CACNA1E: variants seen among roughly 807,000 people sequenced by gnomAD.
CACNA1E encodes calcium voltage-gated channel subunit alpha1 E, also known as voltage-dependent R-type calcium channel subunit alpha-1E.
A neutral mutation model predicts 259.2 loss-of-function variants in CACNA1E; 40 were observed. The observed-to-expected ratio is 0.15, with a 90% CI of 0.12 to 0.20. The LOEUF is 0.20. Among genes scored for constraint, CACNA1E ranks in the 10% least tolerant of loss-of-function variants. The pLI, the probability that CACNA1E is intolerant of heterozygous loss-of-function variation, is 1.00. For missense variants in CACNA1E, 1,874 were observed against 3,040.1 expected (o/e 0.62, Z 9.02); for synonymous variants, 1,104 against 1,138.5 (o/e 0.97, Z 0.61).
chr1:181,732,940 A>T lies in CACNA1E; in HGVS notation c.2854A>T (p.Met952Leu), dbSNP rs1468562123. The T allele has an allele frequency of 6.2e-7, 1 of 1,614,076 alleles. No homozygotes were observed. The highest frequency in any genetic ancestry group is 1.1e-5 in the South Asian group (1 of 91,090). Residue 952 changes from methionine to leucine, a missense_variant, in exon 20 of 48, where the codon ATG becomes TTG. Met to Leu is a conservative substitution (Grantham distance 15). This residue lies in a region of CACNA1E where 476 missense variants were observed against 514.0 expected (regional missense o/e 0.93). Transcript: ENST00000367573. The surrounding 1 kb of genome is among the most constrained non-coding windows in gnomAD (Gnocchi z 5.5). ...CCAGGAACGCAGTCTGGATGAAGCC[A>T]TGCCCACTGAAGGGGAGAAGGACCA... Reference protein sequence around the residue: ...ASQERSLDEAMPTEGEKDHEL... With the variant: ...ASQERSLDEALPTEGEKDHEL...
intron 6 of CACNA1E, among the ~76,000 whole-genome samples, chr1:181,631,751 C>A (rs1656764634): frequency 6.6e-6 from 1 of 152,154 alleles, no homozygotes; most frequent in Non-Finnish European, 1.5e-5. Flanking sequence ...GCTCAACTGG[C>A]AAAATGCCCA....
chr1:181,477,790 A>T (rs2102438441), intron 2 of CACNA1E, among the ~76,000 whole-genome samples: 1 of 152,328 alleles, frequency 6.6e-6, no homozygotes, highest in East Asian at 1.9e-4. Context: ...TGTACATAAC[A>T]AGTACTTACG....
At chr1:181,748,646 T>C (rs1423107795) in intron 25 of CACNA1E, among the ~76,000 whole-genome samples, 1 of 152,246 alleles carries the variant, frequency 6.6e-6, no homozygotes, top group East Asian at 1.9e-4. Context: ...GATTATCCCT[T>C]AGTTCTTCCT....
intron 2 of CACNA1E, among the ~76,000 whole-genome samples, chr1:181,422,399 T>A (rs1314527009): frequency 6.6e-6 from 1 of 152,250 alleles, no homozygotes; most frequent in African/African-American, 2.4e-5. Context: ...TCACCTGGCC[T>A]CTGATAGCCC....
chr1:181,427,186 A>G (rs1171388920), intron 2 of CACNA1E, among the ~76,000 whole-genome samples: 2 of 145,042 alleles, frequency 1.4e-5, no homozygotes, highest in African/African-American at 2.6e-5. Flanking sequence ...TCCCTATTTC[A>G]CCCTCTCCCC....
intron 6 of CACNA1E, among the ~76,000 whole-genome samples, chr1:181,606,636 T>G (rs1313271292): frequency 6.6e-6 from 1 of 152,196 alleles, no homozygotes; most frequent in Non-Finnish European, 1.5e-5. Context: ...ACTTCCCTTT[T>G]TATAAAACCC....
intron 1 of CACNA1E, among the ~76,000 whole-genome samples, chr1:181,356,444 C>T (rs1044720759): frequency 6.6e-6 from 1 of 152,102 alleles, no homozygotes; most frequent in African/African-American, 2.4e-5. Context: ...TTTCCCCTTC[C>T]CCTAGTTTAA....
intron 1 of CACNA1E, among the ~76,000 whole-genome samples, chr1:181,361,503 A>G (rs1159411345): frequency 2.0e-5 from 3 of 152,072 alleles, no homozygotes; most frequent in African/African-American, 7.2e-5. Context: ...CTCCCAGATT[A>G]TTGTTAGAAG....
chr1:181,803,216 G>A lies in CACNA1E; in HGVS notation c.*4382G>A, dbSNP rs916085237. On this transcript the variant is annotated 3_prime_UTR_variant, in exon 48 of 48. Coordinates refer to ENST00000367573, the MANE Select transcript of CACNA1E (RefSeq NM_001205293.3). The stretch of plus-strand genomic sequence containing the variant: ...TCCCAGAGCAATGGGCACCGTCCAG[G>A]AGGTACAGGAGAGGACTTTATGATG... 1 of 152,150 alleles carries A rather than the reference G, an allele frequency of 6.6e-6. No individual in the cohort carries two copies. The highest frequency in any genetic ancestry group is 1.5e-5 in the Non-Finnish European group (1 of 68,064). 9.4% of individuals were successfully genotyped at this position (152,150 alleles called of 1,614,324 possible).
chr1:181,693,651 A>G (rs775592487), intron 7 of CACNA1E, among the ~76,000 whole-genome samples: 3 of 151,990 alleles, frequency 2.0e-5, no homozygotes, highest in Non-Finnish European at 2.9e-5. Context: ...ACTGGGTACT[A>G]CTGGAGGTGG....
At chr1:181,657,631 C>A (rs1015107936) in intron 7 of CACNA1E, among the ~76,000 whole-genome samples, 4 of 151,970 alleles carry the variant, frequency 2.6e-5, no homozygotes, top group Non-Finnish European at 5.9e-5. Context: ...GGACGAAAGG[C>A]GTATATAAGA....
At chr1:181,521,695 A>T (rs544660731) in intron 3 of CACNA1E, among the ~76,000 whole-genome samples, 2 of 152,330 alleles carry the variant, frequency 1.3e-5, no homozygotes, top group South Asian at 4.1e-4. Context: ...AGTGTATAAC[A>T]TGCTGCATAG....
chr1:181,379,291 A>G (rs1356816560), intron 1 of CACNA1E, among the ~76,000 whole-genome samples: 3 of 152,248 alleles, frequency 2.0e-5, no homozygotes, highest in Non-Finnish European at 4.4e-5. Flanking sequence ...GAGAGAAAAA[A>G]TATTTGAAGA....
chr1:181,740,643 G>T (rs1656484750), intron 25 of CACNA1E, among the ~76,000 whole-genome samples: 1 of 152,184 alleles, frequency 6.6e-6, no homozygotes, highest in South Asian at 2.1e-4. Flanking sequence ...CCTCAGCCAT[G>T]AGAGACCCTT....
intron 7 of CACNA1E, among the ~76,000 whole-genome samples, chr1:181,699,011 T>C (rs1265741677): frequency 1.3e-5 from 2 of 152,166 alleles, no homozygotes; most frequent in Non-Finnish European, 2.9e-5. Context: ...GGAATAGTCT[T>C]GAAAGTTCAT....
chr1:181,686,275 GTTTTTTTTTTTTTTTTTT>G (rs66526388), intron 7 of CACNA1E, among the ~76,000 whole-genome samples: 1 of 58,634 alleles, frequency 1.7e-5, no homozygotes, highest in African/African-American at 6.2e-5. Flanking sequence ...TAAGAACCAA[GTTTTTTTTTTTTTTTTTT>G]TTTTTTTTTT....
At chr1:181,722,615 A>G (rs1458795495) in intron 16 of CACNA1E, among the ~76,000 whole-genome samples, 2 of 152,214 alleles carry the variant, frequency 1.3e-5, no homozygotes, top group African/African-American at 2.4e-5. Flanking sequence ...AATAATATTT[A>G]TCTCCTTTGT....
chr1:181,577,924 G>A (rs1572264286), intron 4 of CACNA1E, 55 bp downstream of exon 4: 4 of 1,169,838 alleles, frequency 3.4e-6, no homozygotes, highest in Non-Finnish European at 5.0e-6. Context: ...TGTGTCCTCA[G>A]CTGGATCCAG....
At chr1:181,439,208 C>T (rs1385054549) in intron 2 of CACNA1E, among the ~76,000 whole-genome samples, 2 of 152,008 alleles carry the variant, frequency 1.3e-5, no homozygotes, top group African/African-American at 4.8e-5. Flanking sequence ...GGGGAAAAAG[C>T]CCTGTAGCAT....
Sources: gnomAD v4.1 joint callset for allele counts (sites outside exome capture counted in the v4.1 genomes callset) on GRCh38, gnomAD v4.1.1 for gene constraint, gnomAD v4.1.1 regional missense constraint, Gnocchi (gnomAD v3.1) non-coding constraint, MANE v1.5 for transcripts, NCBI Gene and HGNC (gene_info 2026-07-23, HGNC 2026-07-21) for gene names.